Variants in DOCK7 observed in about 807,000 individuals in gnomAD.
The protein encoded by DOCK7 is dedicator of cytokinesis 7.
Under a neutral mutation model 271.0 loss-of-function variants are expected in DOCK7, and 138 were observed. The observed-to-expected ratio is 0.51, with a 90% CI of 0.44 to 0.59. DOCK7 has a LOEUF of 0.59. DOCK7 is among the 20% of genes least tolerant of loss of function. The pLI is 0.00. For missense variants in DOCK7, 2,066 were observed against 2,592.4 expected (o/e 0.80, Z 4.41); for synonymous variants, 823 against 876.1 (o/e 0.94, Z 1.07).
chr1:62,639,488 G>A (rs1343585341), intron 7 of DOCK7, among the ~76,000 whole-genome samples: 2 of 136,158 alleles, frequency 1.5e-5, no homozygotes, highest in East Asian at 2.2e-4. Context: ...AGGCTGGAGT[G>A]CAGTGGCTCG....
intron 14 of DOCK7, chr1:62,597,846 G>C (rs1437052893): frequency 6.2e-7 from 1 of 1,603,962 alleles, no homozygotes. Flanking sequence ...TGAAATCAAA[G>C]AAGAAGAAAA....
At chr1:62,648,905 AATAAT>A (rs1657000868) in intron 4 of DOCK7, among the ~76,000 whole-genome samples, 1 of 152,126 alleles carries the variant, frequency 6.6e-6, no homozygotes, top group African/African-American at 2.4e-5. Flanking sequence ...CTGAATTAAG[AATAAT>A]ATAAATTTTA....
intron 4 of DOCK7, among the ~76,000 whole-genome samples, 175 bp downstream of exon 4, chr1:62,653,550 A>G (rs1657627760): frequency 6.6e-6 from 1 of 152,226 alleles, no homozygotes; most frequent in African/African-American, 2.4e-5. Flanking sequence ...AAAGAAAGTA[A>G]AAGTATTACA....
chr1:62,674,015 T>C (rs1156367839), intron 1 of DOCK7, among the ~76,000 whole-genome samples: 1 of 151,964 alleles, frequency 6.6e-6, no homozygotes, highest in African/African-American at 2.4e-5. Flanking sequence ...GAAATAAAAC[T>C]GTCTTTACTC....
intron 18 of DOCK7, among the ~76,000 whole-genome samples, chr1:62,567,261 G>A (rs1469507346): frequency 2.0e-5 from 3 of 152,004 alleles, no homozygotes; most frequent in South Asian, 2.1e-4. Flanking sequence ...TGTTTACTGC[G>A]GCACTATTCA....
At chr1:62,487,294 A>G in intron 43 of DOCK7, 104 bp downstream of exon 43, 2 of 1,096,260 alleles carry the variant, frequency 1.8e-6, no homozygotes. Flanking sequence ...GATAGCAGAT[A>G]GCAACAGAAT....
At chr1:62,574,060 T>C (rs1316627790) in intron 18 of DOCK7, among the ~76,000 whole-genome samples, 1 of 152,138 alleles carries the variant, frequency 6.6e-6, no homozygotes, top group African/African-American at 2.4e-5. Context: ...TATTAGACAA[T>C]GCCACTGGCC....
In DOCK7 at chr1:62,578,966, C is replaced by G; in HGVS notation, c.1872G>C (p.Arg624Ser). The part of the protein sequence containing the change: ...EAYTAVVYHN[R>S]SPDFHEEIKV... ...TGATTTCTTCATGAAAATCAGGAGA[C>G]CTTCATACAAAAAAAAAAAAAAATC... is the stretch of plus-strand genomic sequence containing the variant. Residue 624 changes from arginine to serine, a missense_variant and splice_region_variant, in exon 17 of 50, where the codon AGG (arginine) becomes AGC (serine). Arg to Ser is a moderately radical substitution (Grantham distance 110). Around this residue, in one of 2 missense-constraint regions of DOCK7, gnomAD observed 1,414 missense variants for 1,670.4 expected, o/e 0.85. Transcript: ENST00000635253. The G allele has an allele frequency of 6.5e-7, 1 of 1,538,182 alleles. No individual in the cohort carries two copies. The highest frequency in any genetic ancestry group is 1.3e-5 in the South Asian group (1 of 76,988).
At chr1:62,631,984 G>C (rs369216612) in intron 10 of DOCK7, among the ~76,000 whole-genome samples, 112 of 152,246 alleles carry the variant, frequency 7.4e-4, no homozygotes, top group African/African-American at 2.6e-3. Context: ...AATAGTACAA[G>C]CATATCTGGA....
chr1:62,466,412 C>T (rs111247990), intron 48 of DOCK7, among the ~76,000 whole-genome samples: 153 of 152,230 alleles, frequency 1.0e-3, no homozygotes, highest in African/African-American at 3.6e-3. Context: ...AACGCCTGAA[C>T]CTTGAAGGGA....
At chr1:62,512,179 T>A (rs983340396) in intron 33 of DOCK7, among the ~76,000 whole-genome samples, 2 of 152,196 alleles carry the variant, frequency 1.3e-5, no homozygotes, top group East Asian at 1.9e-4. Flanking sequence ...TAATGAACTG[T>A]CAGAAAACAA....
At chr1:62,466,758 C>T (rs1204292345) in intron 48 of DOCK7, among the ~76,000 whole-genome samples, 1 of 151,546 alleles carries the variant, frequency 6.6e-6, no homozygotes, top group African/African-American at 2.4e-5. Flanking sequence ...ATGGCAAGAC[C>T]CCATATACAA....
chr1:62,529,389 G>T lies in DOCK7; in HGVS notation c.3669C>A (p.His1223Gln). The change falls in exon 30 of 50, where the codon CAC (histidine) becomes CAA (glutamine). Residue 1223 changes from histidine to glutamine, a missense_variant. His to Gln is a conservative substitution (Grantham distance 24). This residue lies in a region of DOCK7 where 1,414 missense variants were observed against 1,670.4 expected (regional missense o/e 0.85). Coordinates refer to ENST00000635253, the MANE Select transcript of DOCK7 (RefSeq NM_001367561.1). ...INMVHNLLSS[H>Q]DSDPRYSDPQ... Reference sequence around the variant, plus strand: ...GGTCAGAGTACCGCGGGTCTGAGTCGTGACTGGAGAGTAAATTGTGTACCA... The same window carrying T: ...GGTCAGAGTACCGCGGGTCTGAGTCTTGACTGGAGAGTAAATTGTGTACCA... The T allele has an allele frequency of 6.2e-7, 1 of 1,613,622 alleles. No individual in the cohort carries two copies. The highest frequency in any genetic ancestry group is 8.5e-7 in the Non-Finnish European group (1 of 1,179,866).
chr1:62,662,097 C>T (rs1021852354), intron 2 of DOCK7, among the ~76,000 whole-genome samples: 1 of 152,080 alleles, frequency 6.6e-6, no homozygotes, highest in African/African-American at 2.4e-5. Context: ...TAACACGTAC[C>T]CTTTCACAGC....
At chr1:62,479,731 T>C (rs1450184328) in intron 43 of DOCK7, 2 of 385,690 alleles carry the variant, frequency 5.2e-6, no homozygotes, top group South Asian at 3.9e-5. Context: ...TTACCCAGAC[T>C]GGAATACAGT....
chr1:62,488,986 AG>A lies in DOCK7; in HGVS notation c.5440del (p.Leu1814TyrfsTer54). ...IHEANRDAKK[L>X]STIHGKLQEA... ...TTGAAGTTTACCATGAATTGTGGAT[AG>A]TTTCTTTGCATCCCGATTAGCTTCA... is the stretch of plus-strand genomic sequence containing the variant. On this transcript the variant is annotated frameshift_variant, in exon 42 of 50. Transcript: ENST00000635253. LOFTEE classifies it high-confidence loss of function. The A allele has an allele frequency of 6.2e-7, 1 of 1,613,592 alleles. No homozygotes were observed. The highest frequency in any genetic ancestry group is 8.5e-7 in the Non-Finnish European group (1 of 1,179,788).
intron 7 of DOCK7, among the ~76,000 whole-genome samples, chr1:62,637,146 A>C (rs1655375081): frequency 6.6e-6 from 1 of 152,186 alleles, no homozygotes; most frequent in Non-Finnish European, 1.5e-5. Flanking sequence ...CAGTATACAT[A>C]ATTTGTAGTC....
chr1:62,654,533 C>T (rs925235547), intron 2 of DOCK7, among the ~76,000 whole-genome samples: 1 of 151,978 alleles, frequency 6.6e-6, no homozygotes, highest in Non-Finnish European at 1.5e-5. Flanking sequence ...CGTTTCTAAA[C>T]AGTGCTCTTA....
chr1:62,594,016 C>A (rs1648853431), intron 14 of DOCK7, among the ~76,000 whole-genome samples: 1 of 152,050 alleles, frequency 6.6e-6, no homozygotes, highest in South Asian at 2.1e-4. Context: ...TCTTAAATGT[C>A]CTAAAATTCT....
Sources: allele counts gnomAD v4.1 joint callset (sites outside exome capture counted in the v4.1 genomes callset), GRCh38; gene constraint gnomAD v4.1.1; regional missense constraint gnomAD v4.1.1; transcripts MANE v1.5; gene names NCBI Gene and HGNC (gene_info 2026-07-23, HGNC 2026-07-21).